Variants in CLVS1 observed in about 807,000 individuals in gnomAD.
The protein encoded by CLVS1 is clavesin 1.
CLVS1 carries 10 observed loss-of-function variants against 33.1 expected under a neutral mutation model. The observed-to-expected ratio is 0.30, with a 90% CI of 0.19 to 0.51. The LOEUF (loss-of-function observed/expected upper bound fraction) is 0.51. CLVS1 is among the 20% of genes least tolerant of loss of function. The pLI, the probability that CLVS1 is intolerant of heterozygous loss-of-function variation, is 0.97. For missense variants in CLVS1, 343 were observed against 433.4 expected, an observed-to-expected ratio of 0.79 and a Z score of 1.85; for synonymous variants, 163 against 166.1, an observed-to-expected ratio of 0.98 and a Z score of 0.14.
chr8:61,302,603 G>A (rs2978559), intron 2 of CLVS1, among the ~76,000 whole-genome samples: 41,549 of 152,140 alleles, frequency 0.27, 6,935 homozygotes, highest in Non-Finnish European at 0.35. Context: ...GGACATCAGT[G>A]TAAACTAGAG....
At chr8:61,334,252 G>A (rs941208378) in intron 2 of CLVS1, among the ~76,000 whole-genome samples, 3 of 152,222 alleles carry the variant, frequency 2.0e-5, no homozygotes, top group Admixed American at 1.3e-4. Context: ...AAGTTCAGGG[G>A]CCAGGAGGAA....
At chr8:61,302,929 T>A (rs1217504825) in intron 2 of CLVS1, among the ~76,000 whole-genome samples, 1 of 152,026 alleles carries the variant, frequency 6.6e-6, no homozygotes, top group Non-Finnish European at 1.5e-5. Context: ...AACGATCAGA[T>A]CTCCTGAGAA....
intron 2 of CLVS1, among the ~76,000 whole-genome samples, chr8:61,152,114 G>A (rs1806550318): frequency 6.6e-6 from 1 of 152,190 alleles, no homozygotes; most frequent in Non-Finnish European, 1.5e-5. Flanking sequence ...CATAGGCTGA[G>A]TGGCTTAAAC....
At chr8:61,397,859 A>G (rs931860055) in intron 3 of CLVS1, among the ~76,000 whole-genome samples, 1 of 152,158 alleles carries the variant, frequency 6.6e-6, no homozygotes, top group Non-Finnish European at 1.5e-5. Flanking sequence ...CCATCAGTCT[A>G]TATGTCTGTT....
chr8:61,445,807 C>G (rs894918463), intron 3 of CLVS1, among the ~76,000 whole-genome samples: 2 of 152,140 alleles, frequency 1.3e-5, no homozygotes, highest in African/African-American at 4.8e-5. Context: ...AACTTTTATT[C>G]TTGGTAGATT....
At chr8:61,067,682 C>G (rs1446989524) in intron 1 of CLVS1, among the ~76,000 whole-genome samples, 1 of 152,000 alleles carries the variant, frequency 6.6e-6, no homozygotes, top group Non-Finnish European at 1.5e-5. Context: ...CCAGCCTGGA[C>G]AACATAGAGA....
rs538183618 is a variant in CLVS1 at position 61,432,774 on chromosome 8, G to A, written c.631-21367G>A. On this transcript the variant is annotated intron_variant, in intron 3 of 5. Coordinates refer to ENST00000325897, the MANE Select transcript of CLVS1 (RefSeq NM_173519.3). ...ACAAAGTATAAACCGAAAAGTGACCGAGGCAGATCTCAATCAATTCAGAGG... is the reference window on the plus strand; with the variant it reads ...ACAAAGTATAAACCGAAAAGTGACCAAGGCAGATCTCAATCAATTCAGAGG... Among the ~76,000 whole-genome samples, 334 of 152,306 alleles carry A rather than the reference G, an allele frequency of 2.2e-3. 3 individuals carry two copies. The highest frequency in any genetic ancestry group is 3.6e-3 in the Non-Finnish European group (246 of 68,038).
At chr8:61,032,992 G>GAAAAA in the CLVS1 span, among the ~76,000 whole-genome samples, 3 of 44,804 alleles carry the variant, frequency 6.7e-5, no homozygotes, top group African/African-American at 2.7e-4. Context: ...AAGGAAGGAA[G>GAAAAA]GAAAGAAAGA....
intron 2 of CLVS1, among the ~76,000 whole-genome samples, chr8:61,350,384 T>C (rs745963314): frequency 6.6e-6 from 1 of 152,186 alleles, no homozygotes; most frequent in African/African-American, 2.4e-5. Context: ...CCAAGTGAGC[T>C]ATTTCTCTTA....
chr8:61,209,400 A>G (rs567021409), intron 2 of CLVS1, among the ~76,000 whole-genome samples: 2 of 152,342 alleles, frequency 1.3e-5, no homozygotes, highest in South Asian at 4.1e-4. Context: ...ACAAAAAGAG[A>G]TAAACTGAAC....
intron 1 of CLVS1, among the ~76,000 whole-genome samples, chr8:61,292,792 T>G (rs1375569938): frequency 6.6e-6 from 1 of 152,210 alleles, no homozygotes; most frequent in Non-Finnish European, 1.5e-5. Context: ...AAAGACTTTT[T>G]CTACCAAACA....
At chr8:61,268,278 G>A (rs1231097876) in intron 2 of CLVS1, among the ~76,000 whole-genome samples, 1 of 150,470 alleles carries the variant, frequency 6.6e-6, no homozygotes, top group African/African-American at 2.4e-5. Flanking sequence ...TTGGTTTTTT[G>A]TTCTTGTGAT....
At chr8:61,434,305 GA>G (rs1816231242) in intron 3 of CLVS1, among the ~76,000 whole-genome samples, 1 of 152,010 alleles carries the variant, frequency 6.6e-6, no homozygotes, top group African/African-American at 2.4e-5. Flanking sequence ...TACATGTAAA[GA>G]AAAAGCATTT....
chr8:61,473,603 T>A (rs909911009), intron 5 of CLVS1, among the ~76,000 whole-genome samples: 1 of 152,156 alleles, frequency 6.6e-6, no homozygotes, highest in African/African-American at 2.4e-5. Flanking sequence ...GAAGGCTGTA[T>A]GAGACTACAG....
chr8:61,163,892 C>A (rs1361240123), intron 2 of CLVS1, among the ~76,000 whole-genome samples: 2 of 152,114 alleles, frequency 1.3e-5, no homozygotes, highest in African/African-American at 4.8e-5. Context: ...AACAGCTGAG[C>A]AAAAGCTCAG....
In CLVS1 at chr8:61,275,448, C is replaced by T. The variant is rs887287494; in HGVS notation, c.-151-24229C>T. Among the ~76,000 whole-genome samples the T allele has an allele frequency of 5.3e-5, 8 of 152,220 alleles. No homozygotes were observed. The South Asian group carries it at 1.7e-3, about 31-fold the overall frequency. On this transcript the variant is annotated intron_variant, in intron 2 of 2. Transcript: ENST00000522621. ...CCTCCCAAATATCCTAATTACCCAT[C>T]TTGCATCATTTCCACTGCATACATG... is the stretch of plus-strand genomic sequence containing the variant.
At chr8:60,976,905 G>A in the CLVS1 span, among the ~76,000 whole-genome samples, 1 of 152,220 alleles carries the variant, frequency 6.6e-6, no homozygotes, top group African/African-American at 2.4e-5. Context: ...TGATTGTGGA[G>A]GGGCTGGCAC....
At chr8:61,073,785 G>T (rs2129280860) in intron 1 of CLVS1, among the ~76,000 whole-genome samples, 2 of 151,978 alleles carry the variant, frequency 1.3e-5, no homozygotes, top group East Asian at 3.9e-4. Flanking sequence ...GGCCGAGGCA[G>T]GCGGATCACG....
chr8:61,079,743 A>G (rs1157803028), intron 1 of CLVS1, among the ~76,000 whole-genome samples: 1 of 151,970 alleles, frequency 6.6e-6, no homozygotes, highest in South Asian at 2.1e-4. Context: ...ATAGCTGCTT[A>G]CATTTTAGAA....
Sources: allele counts gnomAD v4.1 joint callset (sites outside exome capture counted in the v4.1 genomes callset), GRCh38; gene constraint gnomAD v4.1.1; transcripts MANE v1.5; gene names NCBI Gene and HGNC (gene_info 2026-07-23, HGNC 2026-07-21).